Variants in COPS3 observed in about 807,000 individuals in gnomAD.
COPS3 encodes COP9 signalosome subunit 3.
A neutral mutation model predicts 58.2 loss-of-function variants in COPS3; 10 were observed. That is an observed-to-expected ratio of 0.17 (90% CI 0.11 to 0.29). COPS3 has a LOEUF of 0.29. Among genes scored for constraint, COPS3 ranks in the 10% least tolerant of loss-of-function variants. The pLI is 1.00. For synonymous variants in COPS3, 187 were observed against 181.7 expected (o/e 1.03, Z -0.24); for missense variants, 333 against 510.1 (o/e 0.65, Z 3.34).
rs147630824 is a variant in COPS3 at position 17,279,358 on chromosome 17, A to T, written c.55+1774T>A. Among the ~76,000 whole-genome samples, 622 of 152,332 alleles carry T rather than the reference A, an allele frequency of 4.1e-3. 3 individuals are homozygous for T. Among genetic ancestry groups the T allele is most frequent in the Middle Eastern group, 6.8e-3 (2 of 294 alleles). ...CCAGGGAAATTAAGTGGTTCACCCA[A>T]GAAGTGACCGCGACAGGATTTCAAC... is the stretch of plus-strand genomic sequence containing the variant. On this transcript the variant is annotated intron_variant, in intron 1 of 11. Coordinates refer to ENST00000268717, the MANE Select transcript of COPS3 (RefSeq NM_003653.4).
chr17:17,251,717 C>T (rs1197678228), intron 9 of COPS3, among the ~76,000 whole-genome samples: 2 of 152,126 alleles, frequency 1.3e-5, no homozygotes, highest in African/African-American at 4.8e-5. Flanking sequence ...AAACCAGATT[C>T]CCAGAAAGAA....
At chr17:17,276,225 T>A in intron 1 of COPS3, 61 bp from the exon 2 acceptor site, 1 of 1,600,024 alleles carries the variant, frequency 6.2e-7, no homozygotes, top group Non-Finnish European at 8.5e-7. Flanking sequence ...CTGATGGAAC[T>A]CTAACCACAA....
intron 9 of COPS3, among the ~76,000 whole-genome samples, chr17:17,251,397 C>T (rs1043831328): frequency 3.9e-5 from 6 of 151,930 alleles, no homozygotes; most frequent in Admixed American, 1.3e-4. Context: ...TGGGTTTGAG[C>T]GATTCTCCAG....
intron 4 of COPS3, among the ~76,000 whole-genome samples, chr17:17,270,080 C>G (rs1451567541): frequency 1.3e-5 from 2 of 152,024 alleles, no homozygotes; most frequent in African/African-American, 4.8e-5. Flanking sequence ...TTGCTTGAAC[C>G]TGGGAGGTGG....
At chr17:17,249,428 A>G (rs928597292) in intron 9 of COPS3, among the ~76,000 whole-genome samples, 2 of 152,056 alleles carry the variant, frequency 1.3e-5, no homozygotes, top group East Asian at 1.9e-4. Flanking sequence ...GGTTCAAGCA[A>G]TTCTCCTGCC....
intron 7 of COPS3, chr17:17,261,526 C>CTAAATAAATAAA (rs56073511): frequency 4.5e-4 from 132 of 293,904 alleles, no homozygotes; most frequent in African/African-American, 2.7e-3. Context: ...AACTCCATTT[C>CTAAATAAATAAA]TAAATAAATA....
At chr17:17,251,381 G>A (rs900466213) in intron 9 of COPS3, among the ~76,000 whole-genome samples, 5 of 151,694 alleles carry the variant, frequency 3.3e-5, no homozygotes, top group South Asian at 2.1e-4. Context: ...TGCAACCTCC[G>A]CCTCCTGGGT....
chr17:17,269,648 T>C (rs1044773935), intron 4 of COPS3, among the ~76,000 whole-genome samples: 1 of 152,148 alleles, frequency 6.6e-6, no homozygotes, highest in African/African-American at 2.4e-5. Flanking sequence ...ATAAATTATG[T>C]ATTATAAAAG....
intron 2 of COPS3, among the ~76,000 whole-genome samples, chr17:17,273,992 G>A (rs1441283494): frequency 6.6e-6 from 1 of 152,212 alleles, no homozygotes; most frequent in Non-Finnish European, 1.5e-5. Context: ...ACTTCAGCCT[G>A]AGTGACATCA....
chr17:17,271,037 C>A lies in COPS3; in HGVS notation c.186-29G>T, dbSNP rs761182334. On this transcript the variant is annotated intron_variant, in intron 2 of 11. Coordinates refer to ENST00000268717, the MANE Select transcript of COPS3 (RefSeq NM_003653.4). ...GAATAAGGAGAAAAGAATCAAATTACCCTGATAGTTCATGGGATAAAATAC... is the reference window on the plus strand; with the variant it reads ...GAATAAGGAGAAAAGAATCAAATTAACCTGATAGTTCATGGGATAAAATAC... 4 of 1,456,132 alleles carry A rather than the reference C, an allele frequency of 2.7e-6. No homozygotes were observed. In the Admixed American group the frequency reaches 6.7e-5, roughly 25 times the overall value. 90.2% of individuals were successfully genotyped at this position (1,456,132 alleles called of 1,614,324 possible). A position where few individuals can be genotyped will look rare whatever the true frequency, so the allele number is the denominator to read the frequency against.
At chr17:17,256,728 G>A (rs942298126) in intron 8 of COPS3, among the ~76,000 whole-genome samples, 1 of 152,106 alleles carries the variant, frequency 6.6e-6, no homozygotes, top group African/African-American at 2.4e-5. Flanking sequence ...TGAGACTACA[G>A]GTGTGCACCA....
chr17:17,257,830 G>T (rs2048012558), intron 8 of COPS3, among the ~76,000 whole-genome samples: 1 of 150,564 alleles, frequency 6.6e-6, no homozygotes, highest in Non-Finnish European at 1.5e-5. Context: ...AAAAGAAAAA[G>T]AAAAACATCT....
In COPS3 at chr17:17,250,279, G is replaced by C. The variant is rs547107668; in HGVS notation, c.1024-1240C>G. On this transcript the variant is annotated intron_variant, in intron 9 of 11. Transcript: ENST00000268717. ...CTTTTTTTTTTTTTTTTTTGAGATG[G>C]GGTCTCGCTCTGTTGCCCAGGCTGG... Among the ~76,000 whole-genome samples, 9 of 145,476 alleles carry C rather than the reference G, an allele frequency of 6.2e-5. No homozygotes were observed. The South Asian group carries it at 1.5e-3, about 25-fold the overall frequency.
intron 6 of COPS3, among the ~76,000 whole-genome samples, chr17:17,263,956 A>AAAGAGAAGCCACC (rs1199779211): frequency 3.3e-5 from 5 of 152,226 alleles, no homozygotes; most frequent in Non-Finnish European, 5.9e-5. Context: ...GCGTAGTCTT[A>AAAGAGAAGCCACC]AAGAGAAGCC....
rs2050634145 is a variant in COPS3, at chr17:17,262,038, C to T, written c.690G>A (p.Val230=). ...GTACTTTGCCAAGTAATATCAAAGACACTAAAATATACTTTTTATATGATT... is the reference window on the plus strand; with the variant it reads ...GTACTTTGCCAAGTAATATCAAAGATACTAAAATATACTTTTTATATGATT... ...MLESYKKYIL[V]SLILLGKVQQ... Residue 230 remains valine, a synonymous_variant, in exon 7 of 12, where the codon GTG becomes GTA. Transcript: ENST00000268717. 1 of 1,610,114 alleles carries T rather than the reference C, an allele frequency of 6.2e-7. No homozygotes were observed. The highest frequency in any genetic ancestry group is 8.5e-7 in the Non-Finnish European group (1 of 1,177,490).
chr17:17,259,488 C>T (rs1258679246), intron 8 of COPS3, among the ~76,000 whole-genome samples: 1 of 152,092 alleles, frequency 6.6e-6, no homozygotes, highest in Non-Finnish European at 1.5e-5. Flanking sequence ...TGGCTTACAT[C>T]CTAGAAGAAA....
At chr17:17,252,686 T>A (rs530386320) in intron 9 of COPS3, among the ~76,000 whole-genome samples, 1 of 152,210 alleles carries the variant, frequency 6.6e-6, no homozygotes, top group Admixed American at 6.5e-5. Flanking sequence ...CCGCAACGCG[T>A]TGCTAGCTAG....
chr17:17,250,900 T>C (rs983432801), intron 9 of COPS3, among the ~76,000 whole-genome samples: 4 of 152,218 alleles, frequency 2.6e-5, no homozygotes, highest in Non-Finnish European at 5.9e-5. Flanking sequence ...GCAGATGGAA[T>C]GTATCTAAGC....
intron 8 of COPS3, 92 bp from the exon 9 acceptor site, chr17:17,255,037 CA>C: frequency 1.2e-6 from 1 of 809,312 alleles, no homozygotes; most frequent in Non-Finnish European, 2.1e-6. Flanking sequence ...CGTGGTGGCT[CA>C]TGTCTGTAAT....
Sources: gnomAD v4.1 joint callset for allele counts (sites outside exome capture counted in the v4.1 genomes callset) on GRCh38, gnomAD v4.1.1 for gene constraint, MANE v1.5 for transcripts, NCBI Gene and HGNC (gene_info 2026-07-23, HGNC 2026-07-21) for gene names.